The following ZNF131 variants were observed in gnomAD, a reference collection of about 807,000 sequenced individuals.
ZNF131 encodes zinc finger and BTB domain containing 35.
In ZNF131, 7 loss-of-function variants were observed where a neutral mutation model predicts 60.0. The observed-to-expected ratio is 0.12, with a 90% CI of 0.07 to 0.22. The LOEUF is 0.22. Among genes scored for constraint, ZNF131 ranks in the 10% least tolerant of loss-of-function variants. ZNF131 has a pLI of 1.00. For missense variants in ZNF131, 493 were observed against 740.9 expected (o/e 0.67, Z 3.88); for synonymous variants, 257 against 253.2 (o/e 1.01, Z -0.14).
intron 3 of ZNF131, among the ~76,000 whole-genome samples, chr5:43,128,159 T>G (rs1197446719): frequency 6.6e-6 from 1 of 152,244 alleles, no homozygotes; most frequent in African/African-American, 2.4e-5. Context: ...CTTAGAAAAG[T>G]TGTATTCTGC....
rs201694413 is a variant in ZNF131, at chr5:43,161,466, G to A, written c.589G>A (p.Val197Ile). 325 of 1,614,208 alleles carry A rather than the reference G, an allele frequency of 2.0e-4. No individual in the cohort carries two copies. The highest frequency in any genetic ancestry group is 2.3e-4 in the Non-Finnish European group (272 of 1,180,032). ...LEEVASAKQS[V>I]KYIQSTGSSD... is the part of the protein sequence containing the mutation. ...GGAAGTGGCTTCTGCCAAGCAGTCC[G>A]TAAAGTACATACAGAGCACAGGTTC... is the stretch of plus-strand genomic sequence containing the variant. The change falls in exon 5 of 7, where the codon GTA becomes ATA. Residue 197 changes from valine (V) to isoleucine (I), a missense_variant. Val to Ile is a conservative substitution (Grantham distance 29). Transcript: ENST00000682664.
rs770156829 is a variant in ZNF131 at position 43,139,253 on chromosome 5, A to C, written c.315A>C (p.Val105=). Residue 105 remains valine (V), a synonymous_variant, in exon 4 of 7, where the codon GTA becomes GTC. Transcript: ENST00000682664. ...AAGGAGAAGAAGAAGCCAATGATGTATGGAAAGCAGCAGAGTTTCTACAAA... is the reference window on the plus strand; with the variant it reads ...AAGGAGAAGAAGAAGCCAATGATGTCTGGAAAGCAGCAGAGTTTCTACAAA... ...MIQGEEEAND[V]WKAAEFLQML... The C allele has an allele frequency of 4.6e-5, 74 of 1,612,970 alleles. No homozygotes were observed. The highest frequency in any genetic ancestry group is 1.7e-5 in the Admixed American group (1 of 59,790).
chr5:43,173,777 C>T (rs762838609), intron 6 of ZNF131, among the ~76,000 whole-genome samples: 10 of 151,274 alleles, frequency 6.6e-5, no homozygotes, highest in Non-Finnish European at 1.5e-4. Context: ...ATTTTTATAT[C>T]AAATATCAAA....
chr5:43,122,637 A>G (rs1167551960), intron 2 of ZNF131, among the ~76,000 whole-genome samples: 2 of 152,170 alleles, frequency 1.3e-5, no homozygotes, highest in Non-Finnish European at 2.9e-5. Context: ...CCAAAATAAA[A>G]TGGGGTCTTT....
intron 5 of ZNF131, among the ~76,000 whole-genome samples, chr5:43,171,860 TC>T (rs1354071537): frequency 6.6e-5 from 10 of 152,144 alleles, no homozygotes; most frequent in Admixed American, 3.9e-4. Context: ...CCTCAAGTGA[TC>T]CACCCACCTC....
intron 4 of ZNF131, among the ~76,000 whole-genome samples, chr5:43,158,264 G>A (rs1284056012): frequency 1.3e-5 from 2 of 150,890 alleles, no homozygotes; most frequent in Admixed American, 1.3e-4. Context: ...CACTGCACCC[G>A]ATGTTGTTTT....
In ZNF131 at chr5:43,174,444, C is replaced by T. The variant is rs1751358497; in HGVS notation, c.1186-3C>T. 6.6e-7 allele frequency: 1 copy of T among 1,514,914 alleles called. No individual in the cohort carries two copies. Among genetic ancestry groups the T allele is most frequent in the African/African-American group, 1.4e-5 (1 of 71,750 alleles). The allele number at this position is 1,514,914 out of a possible 1,614,324, so 93.8% of individuals were successfully genotyped here. ...GTCTACATCATATTTTTGGTTATTT[C>T]AGGTCTGCAACAGTGTGTTTAACAG... On this transcript the variant is annotated splice_region_variant and splice_polypyrimidine_tract_variant and intron_variant, in intron 6 of 6. Transcript: ENST00000682664.
chr5:43,136,293 G>C (rs568339466), intron 3 of ZNF131, among the ~76,000 whole-genome samples: 73 of 152,090 alleles, frequency 4.8e-4, no homozygotes, highest in African/African-American at 1.7e-3. Context: ...TTCATATGAG[G>C]GATATTCAGC....
intron 2 of ZNF131, among the ~76,000 whole-genome samples, chr5:43,122,570 G>T (rs1192574993): frequency 6.6e-6 from 1 of 152,088 alleles, no homozygotes; most frequent in Admixed American, 6.6e-5. Flanking sequence ...TTCCCAAATG[G>T]TCTTGAAGGG....
intron 4 of ZNF131, among the ~76,000 whole-genome samples, chr5:43,156,521 G>A (rs1325761112): frequency 2.0e-5 from 3 of 152,208 alleles, no homozygotes; most frequent in Non-Finnish European, 2.9e-5. Context: ...TTGGTTTCAA[G>A]CAGCACAGAA....
intron 3 of ZNF131, among the ~76,000 whole-genome samples, chr5:43,131,196 T>TG: frequency 6.7e-6 from 1 of 150,026 alleles, no homozygotes; most frequent in African/African-American, 2.5e-5. Flanking sequence ...TATTTTGAGA[T>TG]GGAGTTTTGC....
At chr5:43,133,408 G>C (rs1238575978) in intron 3 of ZNF131, among the ~76,000 whole-genome samples, 1 of 152,214 alleles carries the variant, frequency 6.6e-6, no homozygotes, top group South Asian at 2.1e-4. Flanking sequence ...GGACGTTGCA[G>C]TGAGTCGAGA....
In ZNF131 at chr5:43,175,467, C is replaced by T. The variant is rs536894255; in HGVS notation, c.*334C>T. 5.0e-5 allele frequency: 35 copies of T among 699,180 alleles called. No individual in the cohort carries two copies. The highest frequency in any genetic ancestry group is 3.9e-4 in the South Asian group (26 of 66,570). 43.3% of individuals were successfully genotyped at this position (699,180 alleles called of 1,614,324 possible). On this transcript the variant is annotated 3_prime_UTR_variant, in exon 7 of 7. Coordinates refer to ENST00000682664, the MANE Select transcript of ZNF131 (RefSeq NM_001330707.2). ...TTTCTCTTTCCCAGGTCATGTTCTT[C>T]CTCAAATTTTTTCCATATTGTAAAA...
rs1231789983 is a variant in ZNF131 at position 43,161,984 on chromosome 5, T to A, written c.1054+53T>A. 13 of 1,481,126 alleles carry A rather than the reference T, an allele frequency of 8.8e-6. No homozygotes were observed. The African/African-American group carries it at 1.6e-4, about 18-fold the overall frequency. 91.7% of individuals were successfully genotyped at this position (1,481,126 alleles called of 1,614,324 possible). ...TTTTTTTCCCACATGCACTTCAAAT[T>A]TAAGTATCTAAATCCTTTTTAAAAA... On this transcript the variant is annotated intron_variant, in intron 5 of 6. Transcript: ENST00000682664.
chr5:43,122,053 C>T lies in ZNF131; in HGVS notation c.-1C>T, dbSNP rs1031890453. Reference sequence around the variant, plus strand: ...TTCTTTTGTAGAGCAGCCCGACGGCCATGGAGGCTGAAGAGACGATGGAAT... The same window carrying T: ...TTCTTTTGTAGAGCAGCCCGACGGCTATGGAGGCTGAAGAGACGATGGAAT... On this transcript the variant is annotated 5_prime_UTR_variant, in exon 2 of 7. Coordinates refer to ENST00000682664, the MANE Select transcript of ZNF131 (RefSeq NM_001330707.2). 4.8e-5 allele frequency: 77 copies of T among 1,613,816 alleles called. No individual in the cohort carries two copies. In the Admixed American group the frequency reaches 1.3e-3, roughly 27 times the overall value.
rs887417048 is a variant in ZNF131, at chr5:43,136,447, T to C, written c.227-2718T>C. On this transcript the variant is annotated intron_variant, in intron 3 of 6. Coordinates refer to ENST00000682664, the MANE Select transcript of ZNF131 (RefSeq NM_001330707.2). ...AATCATGGACTAGCCAAATCAATCT[T>C]GAAAAAGAACAAAGCTAGAGGCATC... 1.0e-4 allele frequency among the ~76,000 whole-genome samples: 15 copies of C among 146,918 alleles called. No individual in the cohort carries two copies. The East Asian group carries it at 3.0e-3, about 29-fold the overall frequency.
At chr5:43,128,726 C>T (rs1163847866) in intron 3 of ZNF131, among the ~76,000 whole-genome samples, 1 of 150,668 alleles carries the variant, frequency 6.6e-6, no homozygotes, top group Non-Finnish European at 1.5e-5. Flanking sequence ...AGATATTTAT[C>T]CCAGTTTTGA....
intron 3 of ZNF131, among the ~76,000 whole-genome samples, chr5:43,125,966 C>T (rs186220317): frequency 6.6e-6 from 1 of 152,294 alleles, no homozygotes; most frequent in African/African-American, 2.4e-5. Flanking sequence ...GCAAAATAGA[C>T]ACACACTTTA....
chr5:43,131,883 C>G (rs1264169631), intron 3 of ZNF131, among the ~76,000 whole-genome samples: 2 of 151,246 alleles, frequency 1.3e-5, no homozygotes. Flanking sequence ...GAACATGTAT[C>G]TTCAAACTTT....
Sources: gnomAD v4.1 joint callset for allele counts (sites outside exome capture counted in the v4.1 genomes callset) on GRCh38, gnomAD v4.1.1 for gene constraint, MANE v1.5 for transcripts, NCBI Gene and HGNC (gene_info 2026-07-23, HGNC 2026-07-21) for gene names.